MPC1: variants seen among roughly 807,000 people sequenced by gnomAD.
MPC1 encodes the protein mitochondrial pyruvate carrier 1.
In MPC1, 6 loss-of-function variants were observed where a neutral mutation model predicts 13.9. That is an observed-to-expected ratio of 0.43 (90% CI 0.24 to 0.85). The LOEUF is 0.85. MPC1 is among the 40% of genes least tolerant of loss of function. The probability of loss-of-function intolerance (pLI) is 0.24; values close to 1 mark genes in which losing one functional copy is unlikely to be tolerated. For missense variants in MPC1, 115 were observed against 143.3 expected (o/e 0.80, Z 1.01); for synonymous variants, 47 against 50.5 (o/e 0.93, Z 0.29).
chr6:166,374,465 T>A (rs1365584940), intron 1 of MPC1, among the ~76,000 whole-genome samples: 2 of 152,236 alleles, frequency 1.3e-5, no homozygotes, highest in Non-Finnish European at 2.9e-5. Context: ...TCTGGGATCA[T>A]GTCTTTGGTC....
chr6:166,379,229 C>A (rs1475295659), intron 1 of MPC1, among the ~76,000 whole-genome samples: 10 of 152,306 alleles, frequency 6.6e-5, no homozygotes, highest in African/African-American at 2.4e-4. Context: ...CACAGTGGTT[C>A]ATGCCTATAA....
At chr6:166,381,227 T>C (rs1779767033) in intron 1 of MPC1, among the ~76,000 whole-genome samples, 1 of 152,340 alleles carries the variant, frequency 6.6e-6, no homozygotes. Flanking sequence ...TCCACAGTGC[T>C]AAACACCCAT....
chr6:166,379,225 G>A (rs1779677147), intron 1 of MPC1, among the ~76,000 whole-genome samples: 1 of 152,180 alleles, frequency 6.6e-6, no homozygotes, highest in Non-Finnish European at 1.5e-5. Flanking sequence ...TGGGCACAGT[G>A]GTTCATGCCT....
rs541718118 is a variant in MPC1, at chr6:166,373,356, C to T, written c.72-3135G>A. Among the ~76,000 whole-genome samples the T allele has an allele frequency of 1.1e-4, 16 of 152,338 alleles. No individual in the cohort carries two copies. In the South Asian group the frequency reaches 2.1e-3, roughly 20 times the overall value. On this transcript the variant is annotated intron_variant, in intron 1 of 4. Transcript: ENST00000360961. Reference sequence around the variant, plus strand: ...CTCCATAATTTTGCCTTTTCCAGAACGTTGTGTAGTTGGAACCAGGTAGTA... The same window carrying T: ...CTCCATAATTTTGCCTTTTCCAGAATGTTGTGTAGTTGGAACCAGGTAGTA...
At chr6:166,376,131 T>C (rs1201207687) in intron 1 of MPC1, among the ~76,000 whole-genome samples, 3 of 152,066 alleles carry the variant, frequency 2.0e-5, no homozygotes, top group East Asian at 1.9e-4. Context: ...AGAAGATGTA[T>C]AGCTATAGAT....
At chr6:166,381,770 A>G in intron 1 of MPC1, 1 of 973,284 alleles carries the variant, frequency 1.0e-6, no homozygotes, top group Non-Finnish European at 1.2e-6. Context: ...ACAAGAAGAA[A>G]AAGTATGACC....
At chr6:166,369,408 GA>G (rs1364445670) in intron 2 of MPC1, 1 of 152,562 alleles carries the variant, frequency 6.6e-6, no homozygotes, top group Non-Finnish European at 1.5e-5. Flanking sequence ...TCTCAAAAAA[GA>G]AAAAAAATTA....
At chr6:166,382,307 T>C (rs999373934) in intron 1 of MPC1, among the ~76,000 whole-genome samples, 1 of 143,936 alleles carries the variant, frequency 6.9e-6, no homozygotes, top group Non-Finnish European at 1.5e-5. Flanking sequence ...AGGTCCCCAC[T>C]GCCACTCTGG....
chr6:166,371,264 G>T (rs1779370506), intron 1 of MPC1, among the ~76,000 whole-genome samples: 1 of 152,190 alleles, frequency 6.6e-6, no homozygotes, highest in Non-Finnish European at 1.5e-5. Context: ...ACTACTTAAA[G>T]TAGGGCCTGG....
chr6:166,373,485 T>A (rs1260128740), intron 1 of MPC1, among the ~76,000 whole-genome samples: 1 of 152,234 alleles, frequency 6.6e-6, no homozygotes, highest in Non-Finnish European at 1.5e-5. Context: ...TGAATAATAT[T>A]CCATTGTCTG....
intron 3 of MPC1, 76 bp downstream of exon 3, chr6:166,366,719 T>G: frequency 7.3e-6 from 10 of 1,377,924 alleles, no homozygotes; most frequent in Non-Finnish European, 8.3e-6. Flanking sequence ...TAACATCTAG[T>G]GCTACAATCT....
chr6:166,369,343 A>T (rs1779287985), intron 2 of MPC1: 1 of 152,296 alleles, frequency 6.6e-6, no homozygotes, highest in Non-Finnish European at 1.5e-5. Flanking sequence ...CAGAGGTTGT[A>T]GTGAGCCAAG....
chr6:166,365,168 G>T lies in MPC1; in HGVS notation c.*261C>A. The stretch of plus-strand genomic sequence containing the variant: ...TCTAATAGATGATATACATATTACT[G>T]CAGATAAAACCATCATCAGAAATTA... On this transcript the variant is annotated 3_prime_UTR_variant, in exon 5 of 5. Coordinates refer to ENST00000360961, the MANE Select transcript of MPC1 (RefSeq NM_016098.4). This position sits in a 1 kb window ranked among gnomAD's most constrained non-coding sequence, Gnocchi z 4.2. 1 of 338,234 alleles carries T rather than the reference G, an allele frequency of 3.0e-6. No individual in the cohort carries two copies. The highest frequency in any genetic ancestry group is 5.3e-6 in the Non-Finnish European group (1 of 189,014). The allele number at this position is 338,234 out of a possible 1,614,324, so 21.0% of individuals were successfully genotyped here.
chr6:166,366,249 T>A, intron 3 of MPC1, 143 bp from the exon 4 acceptor site: 2 of 889,320 alleles, frequency 2.2e-6, no homozygotes, highest in South Asian at 3.0e-5. Context: ...AGTTGTTACT[T>A]AAATGCCTGT....
intron 1 of MPC1, among the ~76,000 whole-genome samples, chr6:166,378,579 T>C (rs1246293985): frequency 6.6e-6 from 1 of 152,218 alleles, no homozygotes; most frequent in Non-Finnish European, 1.5e-5. Context: ...TTCTAATTTA[T>C]TCTTCTTAAC....
At chr6:166,369,794 T>C (rs372829118) in intron 2 of MPC1, among the ~76,000 whole-genome samples, 3 of 152,250 alleles carry the variant, frequency 2.0e-5, no homozygotes, top group Non-Finnish European at 4.4e-5. Context: ...TAATTCTTAA[T>C]TGTGCTGAAA....
At position 166,367,576 on chromosome 6, in the gene MPC1, C is replaced by G. The variant is rs186747834; in HGVS notation, c.76-685G>C. 1.8e-3 allele frequency among the ~76,000 whole-genome samples: 279 copies of G among 152,282 alleles called. 1 individual carries two copies. The highest frequency in any genetic ancestry group is 6.5e-3 in the Admixed American group (99 of 15,308). Reference sequence around the variant, plus strand: ...TTTTTCATTCCACAACTACACTCATCCAAGGATACCAAAGTGAAGTCGTCT... The same window carrying G: ...TTTTTCATTCCACAACTACACTCATGCAAGGATACCAAAGTGAAGTCGTCT... On this transcript the variant is annotated intron_variant, in intron 2 of 4. Transcript: ENST00000360961.
intron 1 of MPC1, among the ~76,000 whole-genome samples, chr6:166,373,538 T>A (rs1433852804): frequency 1.3e-5 from 2 of 152,202 alleles, no homozygotes; most frequent in Non-Finnish European, 2.9e-5. Context: ...CCAAAGGACA[T>A]CTTGTTTGCT....
chr6:166,368,072 T>G (rs1779228083), intron 2 of MPC1, among the ~76,000 whole-genome samples: 1 of 152,202 alleles, frequency 6.6e-6, no homozygotes, highest in African/African-American at 2.4e-5. Flanking sequence ...AGTTATAAAC[T>G]CTGTAAATTA....
Sources: gnomAD v4.1 joint callset for allele counts (sites outside exome capture counted in the v4.1 genomes callset) on GRCh38, gnomAD v4.1.1 for gene constraint, Gnocchi (gnomAD v3.1) non-coding constraint, MANE v1.5 for transcripts, NCBI Gene and HGNC (gene_info 2026-07-23, HGNC 2026-07-21) for gene names.